Variants in ANKS3 observed in about 807,000 individuals in gnomAD.
The protein encoded by ANKS3 is ankyrin repeat and SAM domain-containing protein 3.
In ANKS3, 62 loss-of-function variants were observed where a neutral mutation model predicts 80.7. The observed-to-expected ratio is 0.77, with a 90% CI of 0.63 to 0.95. The LOEUF (loss-of-function observed/expected upper bound fraction) is 0.95. Ranked by LOEUF, ANKS3 falls within the 40% of genes least tolerant of loss-of-function variation. ANKS3 has a pLI of 0.00. For missense variants in ANKS3, 1,150 were observed against 883.6 expected, an observed-to-expected ratio of 1.30 and a Z score of -3.82; for synonymous variants, 489 against 355.3, an observed-to-expected ratio of 1.38 and a Z score of -4.23.
At chr16:4,728,257 G>C (rs545787150) in intron 3 of ANKS3, among the ~76,000 whole-genome samples, 2 of 152,166 alleles carry the variant, frequency 1.3e-5, no homozygotes, top group Non-Finnish European at 2.9e-5. Flanking sequence ...GTGTTAGCCA[G>C]GATGGTCTCG....
chr16:4,706,356 A>G (rs536672699), intron 7 of ANKS3, among the ~76,000 whole-genome samples: 9 of 151,780 alleles, frequency 5.9e-5, no homozygotes, highest in South Asian at 2.1e-4. Flanking sequence ...TCAGGCTCCC[A>G]AGTAGCTGGG....
At chr16:4,708,439 C>A (rs1044568342) in intron 7 of ANKS3, among the ~76,000 whole-genome samples, 11 of 152,112 alleles carry the variant, frequency 7.2e-5, no homozygotes, top group African/African-American at 2.4e-4. Flanking sequence ...AAATTCACAG[C>A]CTCTAACATT....
intron 7 of ANKS3, among the ~76,000 whole-genome samples, chr16:4,706,545 G>T (rs1328263441): frequency 6.6e-5 from 10 of 152,126 alleles, no homozygotes; most frequent in Non-Finnish European, 1.5e-5. Context: ...CCACAATTTT[G>T]TATTTTCTAA....
intron 2 of ANKS3, among the ~76,000 whole-genome samples, chr16:4,730,489 C>T (rs1180460783): frequency 6.6e-6 from 1 of 152,100 alleles, no homozygotes; most frequent in African/African-American, 2.4e-5. Flanking sequence ...CTTGGATGGG[C>T]AGTGAAGAAA....
At chr16:4,700,404 G>A (rs571521463) in intron 11 of ANKS3, 2 of 195,976 alleles carry the variant, frequency 1.0e-5, no homozygotes, top group Admixed American at 5.3e-5. Flanking sequence ...ATGACAGTGC[G>A]AGACTCCGTC....
chr16:4,712,519 T>C (rs950234047), intron 7 of ANKS3, among the ~76,000 whole-genome samples: 3 of 152,176 alleles, frequency 2.0e-5, no homozygotes, highest in Admixed American at 1.3e-4. Flanking sequence ...ATGCCAAGAA[T>C]GTAAGGTTGA....
chr16:4,711,452 C>T (rs2080479657), intron 7 of ANKS3, among the ~76,000 whole-genome samples: 1 of 151,736 alleles, frequency 6.6e-6, no homozygotes, highest in South Asian at 2.1e-4. Flanking sequence ...GGTGCGGTGG[C>T]TCACACCTAT....
Position 4,727,830 on chromosome 16 carries a change from A to G in ANKS3, c.171-653T>C, listed in dbSNP as rs534250095. 201 of 153,378 alleles carry G rather than the reference A, an allele frequency of 1.3e-3. 1 individual carries two copies. The highest frequency in any genetic ancestry group is 2.4e-3 in the Admixed American group (37 of 15,466). 9.5% of individuals were successfully genotyped at this position (153,378 alleles called of 1,614,324 possible). On this transcript the variant is annotated intron_variant, in intron 3 of 17. Coordinates refer to ENST00000304283, the MANE Select transcript of ANKS3 (RefSeq NM_133450.4). Reference sequence around the variant, plus strand: ...ACTGATTGCTGTTAAAATTCTGGCAATGCATTTTCCCATGGGAAAAAACTG... The same window carrying G: ...ACTGATTGCTGTTAAAATTCTGGCAGTGCATTTTCCCATGGGAAAAAACTG...
chr16:4,697,654 G>A (rs995170861), intron 15 of ANKS3, among the ~76,000 whole-genome samples: 9 of 152,226 alleles, frequency 5.9e-5, no homozygotes, highest in Non-Finnish European at 2.9e-5. Flanking sequence ...AAGCTCTGCC[G>A]GTGGGGACCC....
chr16:4,700,421 A>G (rs1462559815), intron 11 of ANKS3: 1 of 212,686 alleles, frequency 4.7e-6, no homozygotes, highest in South Asian at 6.6e-5. Context: ...CGTCTCGAAC[A>G]AACAAACCAA....
intron 1 of ANKS3, among the ~76,000 whole-genome samples, chr16:4,733,157 C>G (rs1267655915): frequency 1.8e-5 from 2 of 112,012 alleles, no homozygotes; most frequent in Non-Finnish European, 3.3e-5. Context: ...AGTATTTGAT[C>G]AAGCCACTGC....
Position 4,712,516 on chromosome 16 carries a change from G to C in ANKS3, c.709+1535C>G, listed in dbSNP as rs537808138. 2.4e-4 allele frequency among the ~76,000 whole-genome samples: 36 copies of C among 152,236 alleles called. 1 individual carries two copies. The highest frequency in any genetic ancestry group is 7.7e-4 in the African/African-American group (32 of 41,528). On this transcript the variant is annotated intron_variant, in intron 7 of 17. Transcript: ENST00000304283. Reference sequence around the variant, plus strand: ...GTACAACATGTGGGATTTATGCCAAGAATGTAAGGTTGATTCATTATTAGG... The same window carrying C: ...GTACAACATGTGGGATTTATGCCAACAATGTAAGGTTGATTCATTATTAGG...
chr16:4,706,528 C>T (rs1018249153), intron 7 of ANKS3, among the ~76,000 whole-genome samples: 2 of 152,302 alleles, frequency 1.3e-5, no homozygotes, highest in East Asian at 1.9e-4. Context: ...TGAGCCACAG[C>T]GCCCAGCCAC....
chr16:4,731,564 A>C lies in ANKS3; in HGVS notation c.-55T>G, dbSNP rs1346125770. 1 of 902,802 alleles carries C rather than the reference A, an allele frequency of 1.1e-6. No homozygotes were observed. The highest frequency in any genetic ancestry group is 1.8e-5 in the African/African-American group (1 of 55,594). The allele number at this position is 902,802 out of a possible 1,614,324, so 55.9% of individuals were successfully genotyped here. ...TCAAAGTCCTGGAAATATAGGCGTGAGCCACTGCACCTGGCCTGTAAATTT... is the reference window on the plus strand; with the variant it reads ...TCAAAGTCCTGGAAATATAGGCGTGCGCCACTGCACCTGGCCTGTAAATTT... On this transcript the variant is annotated 5_prime_UTR_variant, in exon 2 of 18. Transcript: ENST00000304283.
In ANKS3 at chr16:4,698,588, C is replaced by G; in HGVS notation, c.1563G>C (p.Glu521Asp). The change falls in exon 14 of 18, where the codon GAG (glutamate) becomes GAC (aspartate). Residue 521 changes from glutamate to aspartate, a missense_variant. By Grantham distance (45) the Glu-to-Asp change is conservative. Coordinates refer to ENST00000304283, the MANE Select transcript of ANKS3 (RefSeq NM_133450.4). ...LAIQLHKRCE[E>D]VEATRGQVCQ... Reference sequence around the variant, plus strand: ...ACACCTGGCCCCGCGTGGCCTCTACCTCCTCGCAGCGCTGCAGGGGGGTGG... The same window carrying G: ...ACACCTGGCCCCGCGTGGCCTCTACGTCCTCGCAGCGCTGCAGGGGGGTGG... 3 of 1,565,516 alleles carry G rather than the reference C, an allele frequency of 1.9e-6. No homozygotes were observed. The highest frequency in any genetic ancestry group is 2.6e-6 in the Non-Finnish European group (3 of 1,163,276).
In ANKS3 at chr16:4,701,477, C is replaced by G; in HGVS notation, c.1076G>C (p.Arg359Thr). The change falls in exon 10 of 18, where the codon AGA becomes ACA. Residue 359 changes from arginine (R) to threonine (T), a missense_variant. Arg to Thr is a moderately conservative substitution (Grantham distance 71, BLOSUM62 -1). Coordinates refer to ENST00000304283, the MANE Select transcript of ANKS3 (RefSeq NM_133450.4). ...AGCTTCGCTGCTGAGCCCCTGGGCTCTGGCCAGGCCCTCGCTGCTGCTGCT... is the reference window on the plus strand; with the variant it reads ...AGCTTCGCTGCTGAGCCCCTGGGCTGTGGCCAGGCCCTCGCTGCTGCTGCT... ...QSSSSSEGLA[R>T]AQGLSSEASV... 4 of 1,611,378 alleles carry G rather than the reference C, an allele frequency of 2.5e-6. No homozygotes were observed. Among genetic ancestry groups the G allele is most frequent in the Non-Finnish European group, 3.4e-6 (4 of 1,178,422 alleles).
At chr16:4,705,021 G>A in intron 8 of ANKS3, 74 bp downstream of exon 8, 22 of 1,566,834 alleles carry the variant, frequency 1.4e-5, no homozygotes, top group Non-Finnish European at 1.8e-5. Flanking sequence ...GAGCCTAAGA[G>A]CTATTCCATT....
At chr16:4,728,776 C>T (rs2081482934) in intron 3 of ANKS3, among the ~76,000 whole-genome samples, 1 of 152,190 alleles carries the variant, frequency 6.6e-6, no homozygotes. Flanking sequence ...GACTTAAGAG[C>T]CTGAGAATTC....
Position 4,726,893 on chromosome 16 carries a change from C to A in ANKS3, c.369+86G>T, listed in dbSNP as rs1345715952. On this transcript the variant is annotated intron_variant, in intron 4 of 17. Coordinates refer to ENST00000304283, the MANE Select transcript of ANKS3 (RefSeq NM_133450.4). ...AAGTGATTACACGAGCACACACGAA[C>A]ACCGTGGCCTGCAGTGGTTCGCATC... The A allele has an allele frequency of 1.9e-6, 3 of 1,601,988 alleles. No homozygotes were observed. The East Asian group carries it at 6.7e-5, about 36-fold the overall frequency.
Sources: gnomAD v4.1 joint callset for allele counts (sites outside exome capture counted in the v4.1 genomes callset) on GRCh38, gnomAD v4.1.1 for gene constraint, MANE v1.5 for transcripts, NCBI Gene and HGNC (gene_info 2026-07-23, HGNC 2026-07-21) for gene names.